Variants in SLC26A2 observed in about 807,000 individuals in gnomAD.
SLC26A2 encodes solute carrier family 26 member 2.
SLC26A2 carries 36 observed loss-of-function variants against 41.1 expected under a neutral mutation model. The observed-to-expected ratio is 0.88, with a 90% CI of 0.67 to 1.16. The LOEUF is 1.16. Ranked by LOEUF, SLC26A2 falls within the 50% of genes most tolerant of loss-of-function variation. SLC26A2 has a pLI of 0.00. For missense variants in SLC26A2, 796 were observed against 869.6 expected (o/e 0.92, Z 1.07); for synonymous variants, 291 against 311.6 (o/e 0.93, Z 0.70).
Position 149,981,766 on chromosome 5 carries a change from C to T in SLC26A2, c.2173C>T (p.Gln725Ter). 6.2e-7 allele frequency: 1 copy of T among 1,611,754 alleles called. No homozygotes were observed. Among genetic ancestry groups the T allele is most frequent in the South Asian group, 1.1e-5 (1 of 90,516 alleles). Residue 725 changes from glutamine to a stop codon, truncating the protein, a stop_gained, in exon 3 of 3, where the codon CAG becomes TAG. Transcript: ENST00000286298. LOFTEE classifies it high-confidence loss of function. Reference protein sequence around the residue: ...AMAFAEVSKNQKGVCVPNGLS... With the variant: ...AMAFAEVSKN ...GGCTTTTGCAGAAGTATCTAAAAAT[C>T]AGAAAGGAGTATGTGTTCCCAATGG...
chr5:149,978,800 A>G (rs936821124), intron 2 of SLC26A2, among the ~76,000 whole-genome samples: 1 of 151,624 alleles, frequency 6.6e-6, no homozygotes, highest in African/African-American at 2.4e-5. Context: ...CAGTCCTCCT[A>G]CCTCAACCTC....
chr5:149,979,025 C>A (rs1364012952), intron 2 of SLC26A2, among the ~76,000 whole-genome samples: 1 of 151,936 alleles, frequency 6.6e-6, no homozygotes, highest in Non-Finnish European at 1.5e-5. Context: ...GCCTCAAATT[C>A]TAAATGTCTC....
intron 1 of SLC26A2, among the ~76,000 whole-genome samples, chr5:149,974,561 T>C (rs568116313): frequency 1.9e-4 from 29 of 151,852 alleles, no homozygotes; most frequent in African/African-American, 7.0e-4. Context: ...TAGCTGGGAC[T>C]ACAGGAGCGC....
In SLC26A2 at chr5:149,987,209, C is replaced by T. The variant is rs1755213328; in HGVS notation, c.*5396C>T. ...AATTCCATGTAAATCATTGCTTAAC[C>T]CTCTTATGGGATGAGGATGAGTTAT... On this transcript the variant is annotated 3_prime_UTR_variant, in exon 3 of 3. Transcript: ENST00000286298. 1 of 152,028 alleles carries T rather than the reference C, an allele frequency of 6.6e-6. No individual in the cohort carries two copies. Among genetic ancestry groups the T allele is most frequent in the Admixed American group, 6.6e-5 (1 of 15,262 alleles). 9.4% of individuals were successfully genotyped at this position (152,028 alleles called of 1,614,324 possible).
At position 149,986,646 on chromosome 5, in the gene SLC26A2, C is replaced by T. The variant is rs1012130097; in HGVS notation, c.*4833C>T. On this transcript the variant is annotated 3_prime_UTR_variant, in exon 3 of 3. Transcript: ENST00000286298. ...GGATTCTCTGGTGTGTATTTTTTAT[C>T]TCAGTGTTGAAAATTGGAAAAGAAT... The T allele has an allele frequency of 6.6e-6, 1 of 152,072 alleles. No homozygotes were observed. The highest frequency in any genetic ancestry group is 6.5e-5 in the Admixed American group (1 of 15,280). 9.4% of individuals were successfully genotyped at this position (152,072 alleles called of 1,614,324 possible).
chr5:149,963,597 TAG>T (rs1274316473), intron 1 of SLC26A2, among the ~76,000 whole-genome samples: 2 of 152,012 alleles, frequency 1.3e-5, no homozygotes, highest in Admixed American at 1.3e-4. Flanking sequence ...TATTTTTTAG[TAG>T]AGAGGGGGTT....
In SLC26A2 at chr5:149,981,892, A is replaced by G; in HGVS notation, c.*79A>G. ...CAACATTTCCCAGTTCCACAGTGGG[A>G]AATTTTGCACACTTGAAATTTTAAC... On this transcript the variant is annotated 3_prime_UTR_variant, in exon 3 of 3. Transcript: ENST00000286298. The G allele has an allele frequency of 8.7e-7, 1 of 1,146,260 alleles. No individual in the cohort carries two copies. Among genetic ancestry groups the G allele is most frequent in the Non-Finnish European group, 1.3e-6 (1 of 785,906 alleles). The allele number at this position is 1,146,260 out of a possible 1,614,324, so 71.0% of individuals were successfully genotyped here. A position where few individuals can be genotyped will look rare whatever the true frequency, so the allele number is the denominator to read the frequency against.
rs199893058 is a variant in SLC26A2 at position 149,977,825 on chromosome 5, G to A, written c.173G>A (p.Arg58His). The A allele has an allele frequency of 2.2e-4, 357 of 1,614,098 alleles. No homozygotes were observed. The highest frequency in any genetic ancestry group is 2.6e-4 in the Non-Finnish European group (302 of 1,179,966). ...CCTTATCATAGGATCCTTATTGAGC[G>A]TCAAGAGAAATCAGATACAAACTTC... ...CRPYHRILIERQEKSDTNFKE... is the reference protein window; with the variant it reads ...CRPYHRILIEHQEKSDTNFKE... Residue 58 changes from arginine to histidine, a missense_variant, in exon 2 of 3, where the codon CGT (arginine) becomes CAT (histidine). By Grantham distance (29) the Arg-to-His change is conservative (BLOSUM62 0). Coordinates refer to ENST00000286298, the MANE Select transcript of SLC26A2 (RefSeq NM_000112.4).
At chr5:149,963,085 T>TA (rs1491296265) in intron 1 of SLC26A2, among the ~76,000 whole-genome samples, 46 of 36,774 alleles carry the variant, frequency 1.3e-3, no homozygotes, top group African/African-American at 1.9e-3. Context: ...TGGTGCTATA[T>TA]TTATTTATTT....
At position 149,960,797 on chromosome 5, in the gene SLC26A2, C is replaced by G. The variant is rs1038804168; in HGVS notation, c.-208C>G. Reference sequence around the variant, plus strand: ...TGCCTCCGGCATCTCTTCGCCGGTGCGTCCTCGCCGCGCCCGTAGGTCCCG... The same window carrying G: ...TGCCTCCGGCATCTCTTCGCCGGTGGGTCCTCGCCGCGCCCGTAGGTCCCG... On this transcript the variant is annotated 5_prime_UTR_variant, in exon 1 of 3. Coordinates refer to ENST00000286298, the MANE Select transcript of SLC26A2 (RefSeq NM_000112.4). 3 of 152,330 alleles carry G rather than the reference C, an allele frequency of 2.0e-5. No homozygotes were observed. Among genetic ancestry groups the G allele is most frequent in the Non-Finnish European group, 4.4e-5 (3 of 68,132 alleles). 9.4% of individuals were successfully genotyped at this position (152,330 alleles called of 1,614,324 possible). A position where few individuals can be genotyped will look rare whatever the true frequency, so the allele number is the denominator to read the frequency against.
Position 149,981,574 on chromosome 5 carries a change from AC to A in SLC26A2, c.1982del (p.Thr661LysfsTer7), listed in dbSNP as rs762137330. ...IDCSAIQFLD[T>X]AGIHTLKEVR... is the part of the protein sequence containing the mutation. ...CTGCAGTGCAATTCAATTTTTAGATACAGCAGGGATCCACACACTGAAAGAA... is the reference window on the plus strand; with the variant it reads ...CTGCAGTGCAATTCAATTTTTAGATAAGCAGGGATCCACACACTGAAAGAA... On this transcript the variant is annotated frameshift_variant, in exon 3 of 3. Transcript: ENST00000286298. LOFTEE classifies it high-confidence loss of function. 7 of 1,614,136 alleles carry A rather than the reference AC, an allele frequency of 4.3e-6. No individual in the cohort carries two copies. Among genetic ancestry groups the A allele is most frequent in the Non-Finnish European group, 5.9e-6 (7 of 1,179,986 alleles).
In SLC26A2 at chr5:149,977,497, A is replaced by G. The variant is rs17110742; in HGVS notation, c.-25-131A>G. 101,808 of 667,342 alleles carry G rather than the reference A, an allele frequency of 0.15. 9,183 individuals carry two copies. Among genetic ancestry groups the G allele is most frequent in the Admixed American group, 0.31 (13,855 of 44,674 alleles). The allele number at this position is 667,342 out of a possible 1,614,324, so 41.3% of individuals were successfully genotyped here. On this transcript the variant is annotated intron_variant, in intron 1 of 2. Coordinates refer to ENST00000286298, the MANE Select transcript of SLC26A2 (RefSeq NM_000112.4). ...AAGACAAATGAGGCTCAATTAAGGA[A>G]AAGGGACATAAGATACCTATTCCAA... is the stretch of plus-strand genomic sequence containing the variant.
intron 1 of SLC26A2, among the ~76,000 whole-genome samples, chr5:149,973,802 T>C (rs1186220107): frequency 1.3e-5 from 2 of 152,120 alleles, no homozygotes; most frequent in Non-Finnish European, 2.9e-5. Context: ...GCCTGGCCTC[T>C]TATCTTTTAA....
chr5:149,978,915 G>A (rs7733836), intron 2 of SLC26A2, among the ~76,000 whole-genome samples: 4,286 of 151,240 alleles, frequency 0.028, 220 homozygotes, highest in African/African-American at 0.099. Flanking sequence ...ACAGGGTTTT[G>A]CCACGTTGCC....
intron 1 of SLC26A2, among the ~76,000 whole-genome samples, chr5:149,973,422 A>AT (rs1754937219): frequency 6.6e-6 from 1 of 151,748 alleles, no homozygotes; most frequent in Non-Finnish European, 1.5e-5. Context: ...CTTTTTGGCT[A>AT]AAGAACCTTC....
At chr5:149,969,439 A>C (rs1211663140) in intron 1 of SLC26A2, among the ~76,000 whole-genome samples, 2 of 152,228 alleles carry the variant, frequency 1.3e-5, no homozygotes, top group African/African-American at 4.8e-5. Flanking sequence ...TATTATAAAA[A>C]TCTCAAATCT....
chr5:149,979,011 C>T (rs573112349), intron 2 of SLC26A2, among the ~76,000 whole-genome samples: 64 of 152,222 alleles, frequency 4.2e-4, no homozygotes, highest in African/African-American at 1.5e-3. Flanking sequence ...AGCCACCACA[C>T]CCAGCCTCAA....
At chr5:149,961,646 A>G (rs1278632897) in intron 1 of SLC26A2, among the ~76,000 whole-genome samples, 1 of 152,238 alleles carries the variant, frequency 6.6e-6, no homozygotes, top group Non-Finnish European at 1.5e-5. Context: ...ACAGTGAGTT[A>G]GAAACATTCA....
Position 149,981,869 on chromosome 5 carries a change from A to G in SLC26A2, c.*56A>G. Reference sequence around the variant, plus strand: ...AATAGGTTAAAATTTCAAGTGTCCAACATTTCCCAGTTCCACAGTGGGAAA... The same window carrying G: ...AATAGGTTAAAATTTCAAGTGTCCAGCATTTCCCAGTTCCACAGTGGGAAA... On this transcript the variant is annotated 3_prime_UTR_variant, in exon 3 of 3. Coordinates refer to ENST00000286298, the MANE Select transcript of SLC26A2 (RefSeq NM_000112.4). 7.2e-7 allele frequency: 1 copy of G among 1,389,904 alleles called. No individual in the cohort carries two copies. The highest frequency in any genetic ancestry group is 1.0e-6 in the Non-Finnish European group (1 of 990,118). The allele number at this position is 1,389,904 out of a possible 1,614,324, so 86.1% of individuals were successfully genotyped here. A position where few individuals can be genotyped will look rare whatever the true frequency, so the allele number is the denominator to read the frequency against.
Sources: allele counts gnomAD v4.1 joint callset (sites outside exome capture counted in the v4.1 genomes callset), GRCh38; gene constraint gnomAD v4.1.1; transcripts MANE v1.5; gene names NCBI Gene and HGNC (gene_info 2026-07-23, HGNC 2026-07-21).